The following SLC9C1 variants were observed in gnomAD, a reference collection of about 807,000 sequenced individuals.
SLC9C1 encodes sodium/hydrogen exchanger 10.
SLC9C1 carries 97 observed loss-of-function variants against 140.9 expected under a neutral mutation model. The ratio of observed to expected loss-of-function variants is 0.69; its 90% CI spans 0.58 to 0.82. The LOEUF is 0.82. Ranked by LOEUF, SLC9C1 falls within the 40% of genes least tolerant of loss-of-function variation. The pLI is 0.00. For missense variants in SLC9C1, 1,340 were observed against 1,389.3 expected (o/e 0.96, Z 0.56); for synonymous variants, 440 against 442.6 (o/e 0.99, Z 0.07).
intron 28 of SLC9C1, among the ~76,000 whole-genome samples, chr3:112,148,205 T>C (rs1576199873): frequency 6.6e-6 from 1 of 152,226 alleles, no homozygotes; most frequent in African/African-American, 2.4e-5. Context: ...CAGCTTCATC[T>C]TGGATCTCAT....
chr3:112,231,778 A>G (rs1332580409), intron 12 of SLC9C1, among the ~76,000 whole-genome samples: 1 of 152,182 alleles, frequency 6.6e-6, no homozygotes, highest in Non-Finnish European at 1.5e-5. Context: ...GCTTTACACT[A>G]GCAGTTTTCA....
At chr3:112,289,411 A>G (rs2080613041) in intron 1 of SLC9C1, among the ~76,000 whole-genome samples, 1 of 152,212 alleles carries the variant, frequency 6.6e-6, no homozygotes, top group African/African-American at 2.4e-5. Context: ...GTGATTGAGT[A>G]TTCAATAAAA....
At chr3:112,237,605 T>C (rs1348632475) in intron 12 of SLC9C1, among the ~76,000 whole-genome samples, 17 of 152,236 alleles carry the variant, frequency 1.1e-4, no homozygotes, top group Non-Finnish European at 2.5e-4. Flanking sequence ...CGGTTGTTCC[T>C]TTCCAGGTTT....
At chr3:112,273,250 G>A (rs79056972) in intron 6 of SLC9C1, among the ~76,000 whole-genome samples, 16,454 of 151,942 alleles carry the variant, frequency 0.11, 965 homozygotes, top group East Asian at 0.2. Flanking sequence ...TATGGTGAGC[G>A]CTCTCTGAGT....
rs116945756 is a variant in SLC9C1 at position 112,256,803 on chromosome 3, A to G, written c.1197+6121T>C. On this transcript the variant is annotated intron_variant, in intron 10 of 28. Transcript: ENST00000305815. ...TTATTTGCAGATGACATGATTCTGTATCTAGAAAACCCCATAGTTGGCCCA... is the reference window on the plus strand; with the variant it reads ...TTATTTGCAGATGACATGATTCTGTGTCTAGAAAACCCCATAGTTGGCCCA... 1.4e-4 allele frequency among the ~76,000 whole-genome samples: 21 copies of G among 152,248 alleles called. No individual in the cohort carries two copies. The East Asian group carries it at 3.5e-3, about 25-fold the overall frequency.
In SLC9C1 at chr3:112,167,315, C is replaced by T; in HGVS notation, c.3270G>A (p.Val1090=). The change falls in exon 26 of 29, where the codon GTG becomes GTA. Residue 1090 remains valine, a synonymous_variant. Coordinates refer to ENST00000305815, the MANE Select transcript of SLC9C1 (RefSeq NM_183061.3). ...IQSIEDFTKV[V]IIQTPINMKT... ...TCATGTTAATCGGAGTTTGAATAATCACTACTTTTGTGAAATCTTCAATAC... is the reference window on the plus strand; with the variant it reads ...TCATGTTAATCGGAGTTTGAATAATTACTACTTTTGTGAAATCTTCAATAC... 3 of 1,604,224 alleles carry T rather than the reference C, an allele frequency of 1.9e-6. No individual in the cohort carries two copies. Among genetic ancestry groups the T allele is most frequent in the Non-Finnish European group, 2.6e-6 (3 of 1,176,162 alleles).
At chr3:112,211,657 G>A (rs2108077498) in intron 15 of SLC9C1, among the ~76,000 whole-genome samples, 1 of 152,358 alleles carries the variant, frequency 6.6e-6, no homozygotes, top group East Asian at 1.9e-4. Context: ...CAAGGCTGGG[G>A]GAGGGGCGCC....
At chr3:112,280,007 A>T (rs2108345450) in intron 3 of SLC9C1, among the ~76,000 whole-genome samples, 1 of 152,364 alleles carries the variant, frequency 6.6e-6, no homozygotes, top group South Asian at 2.1e-4. Context: ...AGTACTTCAA[A>T]TTGCATCTGT....
intron 12 of SLC9C1, among the ~76,000 whole-genome samples, chr3:112,235,643 C>T (rs2078962857): frequency 2.0e-5 from 3 of 152,082 alleles, no homozygotes; most frequent in African/African-American, 2.4e-5. Flanking sequence ...TTTTGAAATA[C>T]GTCCCATCAA....
At chr3:112,205,436 A>G (rs1013317379) in intron 16 of SLC9C1, among the ~76,000 whole-genome samples, 1 of 141,682 alleles carries the variant, frequency 7.1e-6, no homozygotes, top group Non-Finnish European at 1.5e-5. Context: ...TTCCATGCTC[A>G]TGGGTAGGAA....
intron 2 of SLC9C1, among the ~76,000 whole-genome samples, chr3:112,283,578 A>G (rs1258748831): frequency 6.6e-6 from 1 of 152,078 alleles, no homozygotes; most frequent in Non-Finnish European, 1.5e-5. Flanking sequence ...TCCAGTAAGC[A>G]GTTCAGTTTT....
chr3:112,271,022 A>G (rs1467607819), intron 6 of SLC9C1, among the ~76,000 whole-genome samples: 2 of 152,328 alleles, frequency 1.3e-5, no homozygotes, highest in Middle Eastern at 3.4e-3. Flanking sequence ...ATTTACAACA[A>G]GATGGATGAA....
At chr3:112,287,724 C>G (rs2080550769) in intron 1 of SLC9C1, among the ~76,000 whole-genome samples, 2 of 152,138 alleles carry the variant, frequency 1.3e-5, no homozygotes, top group Non-Finnish European at 2.9e-5. Context: ...TGCCTTCTAT[C>G]AGCATCTCAT....
At chr3:112,199,164 A>C (rs2077838638) in intron 20 of SLC9C1, among the ~76,000 whole-genome samples, 157 bp downstream of exon 20, 1 of 151,758 alleles carries the variant, frequency 6.6e-6, no homozygotes, top group African/African-American at 2.4e-5. Flanking sequence ...TGCAGGAAGG[A>C]AACTGTCTAT....
chr3:112,213,733 C>G (rs1216067480), intron 15 of SLC9C1, among the ~76,000 whole-genome samples: 1 of 152,174 alleles, frequency 6.6e-6, no homozygotes, highest in South Asian at 2.1e-4. Flanking sequence ...TAGAAAGAGA[C>G]TTAAGACTCC....
chr3:112,240,375 G>A (rs893029008), intron 11 of SLC9C1, among the ~76,000 whole-genome samples: 1 of 152,170 alleles, frequency 6.6e-6, no homozygotes. Flanking sequence ...AGTTTCATTT[G>A]TCAACTTAAC....
chr3:112,287,838 G>A (rs2080555607), intron 1 of SLC9C1, among the ~76,000 whole-genome samples: 1 of 152,054 alleles, frequency 6.6e-6, no homozygotes, highest in African/African-American at 2.4e-5. Context: ...ACGAGGTCAG[G>A]AGATTGAGAC....
At chr3:112,164,101 CT>C (rs200247576) in intron 26 of SLC9C1, among the ~76,000 whole-genome samples, 1 of 151,628 alleles carries the variant, frequency 6.6e-6, no homozygotes, top group African/African-American at 2.4e-5. Flanking sequence ...CAACCCCTGC[CT>C]TTTTTTGTTT....
At chr3:112,243,672 T>C (rs1278465246) in intron 11 of SLC9C1, among the ~76,000 whole-genome samples, 1 of 139,868 alleles carries the variant, frequency 7.1e-6, no homozygotes, top group Non-Finnish European at 1.5e-5. Flanking sequence ...CTGACTTGTA[T>C]TTATATAATT....
Sources: gnomAD v4.1 joint callset for allele counts (sites outside exome capture counted in the v4.1 genomes callset) on GRCh38, gnomAD v4.1.1 for gene constraint, MANE v1.5 for transcripts, NCBI Gene and HGNC (gene_info 2026-07-23, HGNC 2026-07-21) for gene names.